The following NR2C2 variants were observed in gnomAD, a reference collection of about 807,000 sequenced individuals.
NR2C2 encodes the protein nuclear receptor subfamily 2 group C member 2, also known as Nuclear hormone receptor TR4.
A neutral mutation model predicts 62.9 loss-of-function variants in NR2C2; 6 were observed. The ratio of observed to expected loss-of-function variants is 0.10; its 90% CI spans 0.05 to 0.19. The LOEUF (loss-of-function observed/expected upper bound fraction) is 0.19. Among genes scored for constraint, NR2C2 ranks in the 10% least tolerant of loss-of-function variants. NR2C2 has a pLI of 1.00. For synonymous variants in NR2C2, 272 were observed against 273.8 expected, an observed-to-expected ratio of 0.99 and a Z score of 0.07; for missense variants, 479 against 762.7, an observed-to-expected ratio of 0.63 and a Z score of 4.38.
intron 2 of NR2C2, among the ~76,000 whole-genome samples, chr3:15,005,338 C>T (rs904009729): frequency 2.0e-5 from 3 of 150,082 alleles, no homozygotes; most frequent in African/African-American, 7.4e-5. Flanking sequence ...AGGTGCATAC[C>T]ACCATGCCTG....
intron 1 of NR2C2, among the ~76,000 whole-genome samples, chr3:14,999,451 A>AC (rs2040924272): frequency 6.6e-6 from 1 of 152,140 alleles, no homozygotes; most frequent in African/African-American, 2.4e-5. Context: ...TAATTGTGCT[A>AC]CTGCGCTCTA....
intron 12 of NR2C2, 139 bp downstream of exon 12, chr3:15,038,276 T>C (rs1349318572): frequency 6.8e-6 from 6 of 876,238 alleles, no homozygotes; most frequent in African/African-American, 5.2e-5. Context: ...ATAGGTGTTT[T>C]GCTAGATAAA....
intron 1 of NR2C2, among the ~76,000 whole-genome samples, chr3:15,003,403 C>T (rs1169746024): frequency 6.6e-6 from 1 of 152,136 alleles, no homozygotes; most frequent in Non-Finnish European, 1.5e-5. Context: ...CCCATTGGGG[C>T]TGAGAAATTA....
At chr3:15,038,173 A>G (rs1275601422) in intron 12 of NR2C2, 36 bp downstream of exon 12, 3 of 1,574,552 alleles carry the variant, frequency 1.9e-6, no homozygotes, top group Middle Eastern at 1.7e-4. Flanking sequence ...ACCCCTTTCC[A>G]CCTGTATCTA....
intron 2 of NR2C2, among the ~76,000 whole-genome samples, chr3:15,010,080 G>GT (rs1284136815): frequency 6.6e-6 from 1 of 152,150 alleles, no homozygotes; most frequent in African/African-American, 2.4e-5. Flanking sequence ...TGGCTGGAAT[G>GT]TATCTTTTCA....
intron 1 of NR2C2, among the ~76,000 whole-genome samples, chr3:14,994,553 C>T (rs1420744733): frequency 3.6e-5 from 5 of 139,582 alleles, no homozygotes; most frequent in Non-Finnish European, 6.0e-5. Context: ...AGCGATTCTT[C>T]TGCCTCAGAC....
intron 12 of NR2C2, chr3:15,038,693 T>C (rs17040686): frequency 0.037 from 6,343 of 172,256 alleles, 451 homozygotes; most frequent in African/African-American, 0.14. Context: ...CAGTAAGGGG[T>C]TGGACACAGC....
chr3:14,983,467 A>G (rs935439209), intron 1 of NR2C2, among the ~76,000 whole-genome samples: 1 of 141,084 alleles, frequency 7.1e-6, no homozygotes, highest in Non-Finnish European at 1.5e-5. Flanking sequence ...CTTTATACAC[A>G]CACACACACA....
chr3:14,968,879 G>A (rs1343180164), intron 1 of NR2C2, among the ~76,000 whole-genome samples: 16 of 144,650 alleles, frequency 1.1e-4, no homozygotes, highest in South Asian at 4.5e-4. Flanking sequence ...GTAAACTATC[G>A]CAAGAACAAA....
At chr3:15,001,764 C>T (rs1008688172) in intron 1 of NR2C2, among the ~76,000 whole-genome samples, 4 of 152,092 alleles carry the variant, frequency 2.6e-5, no homozygotes, top group African/African-American at 7.2e-5. Context: ...CTTACAGGCA[C>T]GTACCACCAC....
chr3:15,038,157 T>G lies in NR2C2; in HGVS notation c.1510+20T>G, dbSNP rs367969025. 5 of 1,598,766 alleles carry G rather than the reference T, an allele frequency of 3.1e-6. No individual in the cohort carries two copies. The highest frequency in any genetic ancestry group is 3.4e-6 in the Non-Finnish European group (4 of 1,171,464). On this transcript the variant is annotated intron_variant, in intron 12 of 13. Transcript: ENST00000425241. ...GCCCCGGTAAGATATGCGGTGGGGA[T>G]GCATGACCCCTTTCCACCTGTATCT...
intron 1 of NR2C2, among the ~76,000 whole-genome samples, chr3:14,963,777 A>G (rs1302611839): frequency 1.3e-5 from 2 of 152,140 alleles, no homozygotes; most frequent in Non-Finnish European, 2.9e-5. Context: ...CAAAGACACA[A>G]ATTTACGTTC....
intron 10 of NR2C2, among the ~76,000 whole-genome samples, chr3:15,033,639 CTTTTTTTTTTTT>C (rs58524753): frequency 4.7e-5 from 4 of 84,828 alleles, no homozygotes; most frequent in African/African-American, 9.0e-5. Context: ...TAACCTCAGG[CTTTTTTTTTTTT>C]TTTTTTTTTT....
chr3:14,996,429 AG>A (rs1405885640), intron 1 of NR2C2, among the ~76,000 whole-genome samples: 1 of 152,248 alleles, frequency 6.6e-6, no homozygotes, highest in African/African-American at 2.4e-5. Flanking sequence ...GGTTTGTGAC[AG>A]TATCAGTTAT....
chr3:15,031,740 T>C (rs1305649218), intron 9 of NR2C2, among the ~76,000 whole-genome samples: 4 of 151,440 alleles, frequency 2.6e-5, no homozygotes, highest in African/African-American at 4.9e-5. Flanking sequence ...ACCCAGATTT[T>C]TTTTTTTTGA....
In NR2C2 at chr3:15,030,460, A is replaced by G. The variant is rs2125058324; in HGVS notation, c.1110+8A>G. The stretch of plus-strand genomic sequence containing the variant: ...ACACACGTCACATTTAAGGTGAGTG[A>G]ATTCAGCCTAACCATGTGCCCCCAA... On this transcript the variant is annotated splice_region_variant and intron_variant, in intron 9 of 13. Transcript: ENST00000425241. 2 of 1,569,128 alleles carry G rather than the reference A, an allele frequency of 1.3e-6. No individual in the cohort carries two copies.
At chr3:15,006,681 A>C (rs2041181667) in intron 2 of NR2C2, among the ~76,000 whole-genome samples, 1 of 151,972 alleles carries the variant, frequency 6.6e-6, no homozygotes, top group South Asian at 2.1e-4. Flanking sequence ...AGTTCCCAAG[A>C]AACTGTTCCT....
At chr3:15,038,498 C>T (rs1401099610) in intron 12 of NR2C2, 3 of 181,572 alleles carry the variant, frequency 1.7e-5, no homozygotes, top group African/African-American at 7.1e-5. Context: ...CGCATATAAT[C>T]CAGTACACAT....
Position 15,023,283 on chromosome 3 carries a change from C to T in NR2C2, c.640C>T (p.Arg214Trp), listed in dbSNP as rs2041727947. The T allele has an allele frequency of 1.2e-6, 2 of 1,614,074 alleles. No individual in the cohort carries two copies. Among genetic ancestry groups the T allele is most frequent in the African/African-American group, 1.3e-5 (1 of 74,924 alleles). The part of the protein sequence containing the change: ...CAASTEKIYI[R>W]KDLRSPLIAT... ...TGCTTCAACTGAGAAAATCTATATCCGGAAAGACCTGAGAAGTCCCCTGAT... is the reference window on the plus strand; with the variant it reads ...TGCTTCAACTGAGAAAATCTATATCTGGAAAGACCTGAGAAGTCCCCTGAT... Residue 214 changes from arginine (R) to tryptophan (W), a missense_variant, in exon 6 of 14, where the codon CGG (arginine) becomes TGG (tryptophan). By Grantham distance (101) the Arg-to-Trp change is moderately radical (BLOSUM62 -3). Coordinates refer to ENST00000425241, the MANE Select transcript of NR2C2 (RefSeq NM_001291694.2).
Sources: gnomAD v4.1 joint callset for allele counts (sites outside exome capture counted in the v4.1 genomes callset) on GRCh38, gnomAD v4.1.1 for gene constraint, MANE v1.5 for transcripts, NCBI Gene and HGNC (gene_info 2026-07-23, HGNC 2026-07-21) for gene names.